Variants in MALRD1 observed in about 807,000 individuals in gnomAD.
MALRD1 encodes MAM and LDL receptor class A domain containing 1.
In MALRD1, 247 loss-of-function variants were observed where a neutral mutation model predicts 242.1. That is an observed-to-expected ratio of 1.02 (90% CI 0.92 to 1.13). MALRD1 has a LOEUF of 1.13. MALRD1 is among the 50% of genes most tolerant of loss of function. The pLI, the probability that MALRD1 is intolerant of heterozygous loss-of-function variation, is 0.00. For synonymous variants in MALRD1, 995 were observed against 866.6 expected (o/e 1.15, Z -2.60); for missense variants, 2,989 against 2,533.1 (o/e 1.18, Z -3.86).
chr10:19,423,096 T>C (rs1833774820), intron 28 of MALRD1, among the ~76,000 whole-genome samples: 1 of 152,172 alleles, frequency 6.6e-6, no homozygotes, highest in Non-Finnish European at 1.5e-5. Context: ...CCAAAAAATG[T>C]GCTAATTCCA....
intron 29 of MALRD1, among the ~76,000 whole-genome samples, chr10:19,458,562 G>T (rs10827476): frequency 6.6e-6 from 1 of 151,838 alleles, no homozygotes; most frequent in Non-Finnish European, 1.5e-5. Flanking sequence ...ATGTATCACC[G>T]CATGTGGTAG....
intron 36 of MALRD1, among the ~76,000 whole-genome samples, chr10:19,630,732 A>G (rs1280286173): frequency 6.6e-6 from 1 of 152,166 alleles, no homozygotes. Context: ...TGTACATAAA[A>G]AGAATAAGTG....
intron 14 of MALRD1, among the ~76,000 whole-genome samples, chr10:19,176,529 C>T (rs998045071): frequency 3.0e-4 from 45 of 149,468 alleles, no homozygotes; most frequent in South Asian, 1.5e-3. Context: ...CGCCCGCCAC[C>T]GCGCCCGGCT....
intron 30 of MALRD1, among the ~76,000 whole-genome samples, chr10:19,494,998 A>T (rs576911764): frequency 1.3e-4 from 20 of 150,802 alleles, no homozygotes; most frequent in African/African-American, 4.4e-4. Context: ...TTTTTGTAAG[A>T]CAGAGTCTTG....
At chr10:19,367,484 T>A (rs945653629) in intron 26 of MALRD1, among the ~76,000 whole-genome samples, 1 of 152,124 alleles carries the variant, frequency 6.6e-6, no homozygotes, top group Non-Finnish European at 1.5e-5. Context: ...CATTGCATAT[T>A]TTTACCACAT....
At chr10:19,282,579 T>C (rs921998603) in intron 20 of MALRD1, among the ~76,000 whole-genome samples, 1 of 152,184 alleles carries the variant, frequency 6.6e-6, no homozygotes, top group African/African-American at 2.4e-5. Flanking sequence ...TGTAAAACTT[T>C]ATAGGAAACA....
At chr10:19,400,258 C>G (rs1389276751) in intron 28 of MALRD1, among the ~76,000 whole-genome samples, 1 of 152,152 alleles carries the variant, frequency 6.6e-6, no homozygotes, top group Admixed American at 6.5e-5. Context: ...TCTCCTCATT[C>G]TGAAGTCGTC....
At chr10:19,123,784 A>G (rs116363210) in intron 6 of MALRD1, among the ~76,000 whole-genome samples, 191 bp downstream of exon 6, 13 of 152,330 alleles carry the variant, frequency 8.5e-5, no homozygotes, top group African/African-American at 3.1e-4. Flanking sequence ...TTGTGAAACA[A>G]ACTAAAGCCA....
intron 34 of MALRD1, among the ~76,000 whole-genome samples, chr10:19,606,278 C>T (rs1838619389): frequency 6.6e-6 from 1 of 152,158 alleles, no homozygotes; most frequent in African/African-American, 2.4e-5. Flanking sequence ...GTTGTAACTT[C>T]ATTGTCTTTA....
At chr10:19,215,703 G>T (rs7091835) in intron 18 of MALRD1, among the ~76,000 whole-genome samples, 2,055 of 147,574 alleles carry the variant, frequency 0.014, 17 homozygotes, top group East Asian at 0.11. Context: ...TAGATCCTGT[G>T]CAGACGTGCT....
chr10:19,127,347 T>C (rs893721969), intron 7 of MALRD1, among the ~76,000 whole-genome samples: 2 of 152,230 alleles, frequency 1.3e-5, no homozygotes, highest in African/African-American at 2.4e-5. Flanking sequence ...ATGTAAATAG[T>C]GTAAGCTTTT....
At chr10:19,310,474 A>G (rs1203659154) in intron 21 of MALRD1, among the ~76,000 whole-genome samples, 1 of 151,624 alleles carries the variant, frequency 6.6e-6, no homozygotes, top group Non-Finnish European at 1.5e-5. Flanking sequence ...AAAGAGGACC[A>G]TTAGCTTTAA....
intron 32 of MALRD1, among the ~76,000 whole-genome samples, chr10:19,560,331 G>A (rs1379073991): frequency 6.6e-6 from 1 of 152,106 alleles, no homozygotes; most frequent in Non-Finnish European, 1.5e-5. Flanking sequence ...AGCTGGGCGT[G>A]GTGTCAGGCA....
intron 13 of MALRD1, among the ~76,000 whole-genome samples, chr10:19,170,360 T>C (rs1281894856): frequency 6.6e-6 from 1 of 152,220 alleles, no homozygotes; most frequent in Admixed American, 6.5e-5. Flanking sequence ...AGTAGTCCAT[T>C]GATTTCAAGT....
chr10:19,281,859 A>G (rs1840828499), intron 20 of MALRD1, among the ~76,000 whole-genome samples: 1 of 151,344 alleles, frequency 6.6e-6, no homozygotes, highest in South Asian at 2.1e-4. Flanking sequence ...CTGTAATCCC[A>G]GCTACTTAGG....
chr10:19,294,700 T>A (rs1841608428), intron 21 of MALRD1, among the ~76,000 whole-genome samples: 1 of 152,166 alleles, frequency 6.6e-6, no homozygotes, highest in South Asian at 2.1e-4. Flanking sequence ...TGGATTTTGT[T>A]GGATAATATA....
intron 1 of MALRD1, among the ~76,000 whole-genome samples, chr10:19,055,285 A>G (rs569419372): frequency 1.3e-5 from 2 of 152,282 alleles, no homozygotes; most frequent in African/African-American, 2.4e-5. Flanking sequence ...AGCTCCTTAT[A>G]TATTCTGAAT....
chr10:19,329,861 T>C (rs1374007090), intron 23 of MALRD1, among the ~76,000 whole-genome samples: 2 of 152,180 alleles, frequency 1.3e-5, no homozygotes, highest in Admixed American at 6.6e-5. Flanking sequence ...AGCATTGAGA[T>C]ATAAGTGATG....
At chr10:19,172,665 G>T (rs984150448) in intron 13 of MALRD1, among the ~76,000 whole-genome samples, 6 of 150,750 alleles carry the variant, frequency 4.0e-5, no homozygotes, top group African/African-American at 1.5e-4. Context: ...TCAAACTGTC[G>T]TTTTTTTTCC....
Sources: gnomAD v4.1 joint callset for allele counts (sites outside exome capture counted in the v4.1 genomes callset) on GRCh38, gnomAD v4.1.1 for gene constraint, MANE v1.5 for transcripts, NCBI Gene and HGNC (gene_info 2026-07-23, HGNC 2026-07-21) for gene names.